The following ZFHX3 variants were observed in gnomAD, a reference collection of about 807,000 sequenced individuals.
ZFHX3 encodes the protein zinc finger homeobox 3, also known as zinc finger homeobox protein 3.
In ZFHX3, 42 loss-of-function variants were observed where a neutral mutation model predicts 279.1. The observed-to-expected ratio is 0.15, with a 90% CI of 0.12 to 0.19. The LOEUF is 0.19. ZFHX3 is among the 10% of genes least tolerant of loss of function. The probability of loss-of-function intolerance (pLI) is 1.00; values close to 1 mark genes in which losing one functional copy is unlikely to be tolerated. For synonymous variants in ZFHX3, 2,293 were observed against 1,957.8 expected (o/e 1.17, Z -4.52); for missense variants, 4,981 against 4,754.0 (o/e 1.05, Z -1.40).
chr16:73,786,596 C>T (rs1310962716), intron 1 of ZFHX3, among the ~76,000 whole-genome samples: 1 of 152,160 alleles, frequency 6.6e-6, no homozygotes, highest in Non-Finnish European at 1.5e-5. Flanking sequence ...ATCCTCCTAA[C>T]CAAGTGGCAG....
chr16:72,829,530 G>A, intron 5 of ZFHX3: 1 of 473,790 alleles, frequency 2.1e-6, no homozygotes, highest in Non-Finnish European at 3.8e-6. Flanking sequence ...CAATAAGCAA[G>A]CTGGCTTTGG....
rs115840494 is a variant in ZFHX3 at position 73,703,576 on chromosome 16, G to A, written c.-1607-23336C>T. On this transcript the variant is annotated intron_variant, in intron 1 of 17. Coordinates refer to the ZFHX3 transcript ENST00000641206. ...CTACAGCACAAGCAGAGAGAGTCATGAAACGGTACCCATAACGAACCAGTA... is the reference window on the plus strand; with the variant it reads ...CTACAGCACAAGCAGAGAGAGTCATAAAACGGTACCCATAACGAACCAGTA... Among the ~76,000 whole-genome samples, 452 of 152,202 alleles carry A rather than the reference G, an allele frequency of 3.0e-3. 4 individuals carry two copies. Among genetic ancestry groups the A allele is most frequent in the African/African-American group, 0.01 (421 of 41,510 alleles).
intron 1 of ZFHX3, among the ~76,000 whole-genome samples, chr16:73,011,905 C>T (rs756819568): frequency 1.3e-5 from 2 of 152,108 alleles, no homozygotes; most frequent in Non-Finnish European, 2.9e-5. Flanking sequence ...TTCTGGGGCA[C>T]CAGGTAAGTT....
At chr16:73,538,491 C>T (rs1251021213) in intron 2 of ZFHX3, among the ~76,000 whole-genome samples, 1 of 152,124 alleles carries the variant, frequency 6.6e-6, no homozygotes, top group Non-Finnish European at 1.5e-5. Context: ...TCTAAAATGA[C>T]ATCTCCCTGA....
At chr16:73,278,734 TGGTGCATTTTACAGGGCACTGATA>T (rs1285236345) in intron 4 of ZFHX3, among the ~76,000 whole-genome samples, 1 of 152,222 alleles carries the variant, frequency 6.6e-6, no homozygotes, top group Non-Finnish European at 1.5e-5. Flanking sequence ...GAGCACTGAT[TGGTGCATTTTACAGGGCACTGATA>T]GGTGCGTTTT....
intron 5 of ZFHX3, among the ~76,000 whole-genome samples, chr16:73,172,931 G>GTTTTTTTTTT (rs376709821): frequency 3.8e-4 from 37 of 97,120 alleles, no homozygotes; most frequent in Non-Finnish European, 6.4e-4. Flanking sequence ...GCTGCCTGTG[G>GTTTTTTTTTT]TTTTTTTTTT....
chr16:73,335,604 C>G (rs2015897110), intron 3 of ZFHX3, among the ~76,000 whole-genome samples: 1 of 152,190 alleles, frequency 6.6e-6, no homozygotes, highest in African/African-American at 2.4e-5. Context: ...ATCAGGGTAT[C>G]AGTCACCTTT....
At chr16:73,604,976 G>A (rs1172614511) in intron 2 of ZFHX3, among the ~76,000 whole-genome samples, 1 of 151,902 alleles carries the variant, frequency 6.6e-6, no homozygotes. Context: ...TTTACTAAAT[G>A]TGCCTAGCTG....
intron 1 of ZFHX3, among the ~76,000 whole-genome samples, chr16:73,694,024 T>A (rs1187743237): frequency 4.8e-5 from 7 of 146,402 alleles, no homozygotes; most frequent in Non-Finnish European, 4.5e-5. Context: ...TCGTTTTAGC[T>A]AAAAAAAAAA....
chr16:73,591,864 T>C (rs1410312282), intron 2 of ZFHX3, among the ~76,000 whole-genome samples: 1 of 151,552 alleles, frequency 6.6e-6, no homozygotes, highest in Admixed American at 6.6e-5. Context: ...GAACACTTAG[T>C]GGATATTTGA....
chr16:73,061,224 A>G (rs547270833), upstream of ZFHX3: 4 of 152,170 alleles, frequency 2.6e-5, no homozygotes, highest in Non-Finnish European at 5.9e-5. Flanking sequence ...TAAAAAAGCT[A>G]AAAGTTATTG....
chr16:73,241,929 C>T (rs1432240513), intron 5 of ZFHX3, among the ~76,000 whole-genome samples: 1 of 151,972 alleles, frequency 6.6e-6, no homozygotes, highest in Non-Finnish European at 1.5e-5. Context: ...CGTTGAGTGA[C>T]CCCTTTGAGA....
At chr16:73,439,126 G>GA (rs2143532248) in intron 3 of ZFHX3, among the ~76,000 whole-genome samples, 1 of 152,264 alleles carries the variant, frequency 6.6e-6, no homozygotes, top group South Asian at 2.1e-4. Flanking sequence ...CTCTTTCCTG[G>GA]AAAACTCTCT....
chr16:73,537,110 T>C (rs541656953), intron 2 of ZFHX3, among the ~76,000 whole-genome samples: 1 of 152,230 alleles, frequency 6.6e-6, no homozygotes, highest in Non-Finnish European at 1.5e-5. Flanking sequence ...TTATGACCAA[T>C]TGAATTTATT....
At chr16:73,806,600 G>A (rs992363569) in intron 1 of ZFHX3, among the ~76,000 whole-genome samples, 1 of 150,032 alleles carries the variant, frequency 6.7e-6, no homozygotes, top group Admixed American at 6.6e-5. Flanking sequence ...ACTGGTTGGT[G>A]GGGGGGGTCA....
chr16:73,799,823 CA>C (rs1338965052), intron 1 of ZFHX3, among the ~76,000 whole-genome samples: 2 of 152,034 alleles, frequency 1.3e-5, no homozygotes, highest in Non-Finnish European at 2.9e-5. Flanking sequence ...TTAAGAGAAT[CA>C]AAAGTCCCAA....
chr16:73,522,325 G>A (rs825858), intron 2 of ZFHX3, among the ~76,000 whole-genome samples: 1 of 152,020 alleles, frequency 6.6e-6, no homozygotes. Flanking sequence ...GATGAAATAC[G>A]TTCTGGTCTT....
At chr16:72,825,124 G>A (rs896510473) in intron 5 of ZFHX3, among the ~76,000 whole-genome samples, 6 of 152,224 alleles carry the variant, frequency 3.9e-5, no homozygotes, top group East Asian at 1.9e-4. Context: ...TACCTGAGCC[G>A]AAAGAGGCCA....
chr16:73,049,569 G>T (rs1426868214), upstream of ZFHX3, among the ~76,000 whole-genome samples: 2 of 152,186 alleles, frequency 1.3e-5, no homozygotes, highest in Non-Finnish European at 2.9e-5. Context: ...TTTTAGTCCA[G>T]AATAGATTCT....
Sources: allele counts gnomAD v4.1 joint callset (sites outside exome capture counted in the v4.1 genomes callset), GRCh38; gene constraint gnomAD v4.1.1; transcripts MANE v1.5; gene names NCBI Gene and HGNC (gene_info 2026-07-23, HGNC 2026-07-21).